DCAF8: variants seen among roughly 807,000 people sequenced by gnomAD.
The protein encoded by DCAF8 is DDB1 and CUL4 associated factor 8, also known as DDB1- and CUL4-associated factor 8.
Under a neutral mutation model 68.0 loss-of-function variants are expected in DCAF8, and 20 were observed. The ratio of observed to expected loss-of-function variants is 0.29; its 90% CI spans 0.21 to 0.43. DCAF8 has a LOEUF of 0.43. Ranked by LOEUF, DCAF8 falls within the 20% of genes least tolerant of loss-of-function variation. The pLI is 1.00. For synonymous variants in DCAF8, 230 were observed against 276.9 expected (o/e 0.83, Z 1.68); for missense variants, 460 against 771.0 (o/e 0.60, Z 4.78).
chr1:160,239,499 C>T (rs1315147351), intron 4 of DCAF8, 198 bp downstream of exon 4: 1 of 1,480,730 alleles, frequency 6.8e-7, no homozygotes, highest in African/African-American at 1.4e-5. Flanking sequence ...AGGCTTCCAA[C>T]AGTCCACATG....
intron 7 of DCAF8, 38 bp from the exon 8 acceptor site, chr1:160,225,701 A>C (rs765449228): frequency 6.4e-7 from 1 of 1,557,090 alleles, no homozygotes; most frequent in Admixed American, 1.7e-5. Context: ...AAAAATGTAC[A>C]AACGAAACCC....
chr1:160,237,553 G>A (rs926263895), intron 5 of DCAF8, among the ~76,000 whole-genome samples: 1 of 152,088 alleles, frequency 6.6e-6, no homozygotes, highest in Non-Finnish European at 1.5e-5. Flanking sequence ...TCCAGTCAGG[G>A]TCTCACTTTA....
rs564294790 is a variant in DCAF8, at chr1:160,219,108, G to A, written c.1441-140C>T. The stretch of plus-strand genomic sequence containing the variant: ...GGGAAGGGAGGCCCACCCATCCTGA[G>A]CCTAAGCCAAAGGGCACTGAGGGTA... On this transcript the variant is annotated intron_variant, in intron 11 of 13. Transcript: ENST00000368074. 3.8e-5 allele frequency: 46 copies of A among 1,212,848 alleles called. No individual in the cohort carries two copies. In the African/African-American group the frequency reaches 7.0e-4, roughly 19 times the overall value. 75.1% of individuals were successfully genotyped at this position (1,212,848 alleles called of 1,614,324 possible).
At position 160,217,253 on chromosome 1, in the gene DCAF8, A is replaced by T. The variant is rs1474738598; in HGVS notation, c.*339T>A. On this transcript the variant is annotated 3_prime_UTR_variant, in exon 14 of 14. Coordinates refer to ENST00000368074, the MANE Select transcript of DCAF8 (RefSeq NM_015726.4). ...CCCCACCCCTCCCCCAGCCCAAGAA[A>T]CAAGGGAGATTAAAGAAAAAGAAAC... 2.0e-5 allele frequency: 4 copies of T among 198,264 alleles called. No individual in the cohort carries two copies. The highest frequency in any genetic ancestry group is 9.2e-5 in the African/African-American group (4 of 43,294). 12.3% of individuals were successfully genotyped at this position (198,264 alleles called of 1,614,324 possible).
intron 2 of DCAF8, among the ~76,000 whole-genome samples, chr1:160,253,671 A>T: frequency 6.8e-6 from 1 of 147,634 alleles, no homozygotes; most frequent in South Asian, 2.1e-4. Flanking sequence ...AAAAAAAAAA[A>T]AAAAAATAGC....
Position 160,222,634 on chromosome 1 carries a change from C to G in DCAF8, c.1440+17G>C. On this transcript the variant is annotated intron_variant, in intron 11 of 13. Coordinates refer to ENST00000368074, the MANE Select transcript of DCAF8 (RefSeq NM_015726.4). ...GGAGAGATTAGGGAGCCAGCCAGCT[C>G]AGCACACCATACTCACCACGCCTCC... 6.2e-7 allele frequency: 1 copy of G among 1,613,772 alleles called. No individual in the cohort carries two copies. Among genetic ancestry groups the G allele is most frequent in the Non-Finnish European group, 8.5e-7 (1 of 1,179,768 alleles).
At chr1:160,238,799 A>G in intron 4 of DCAF8, 52 bp from the exon 5 acceptor site, 2 of 1,521,184 alleles carry the variant, frequency 1.3e-6, no homozygotes, top group Non-Finnish European at 1.8e-6. Flanking sequence ...GAGAGAGGTA[A>G]ACTTGAGAAT....
chr1:160,219,309 T>G, intron 11 of DCAF8: 1 of 195,980 alleles, frequency 5.1e-6, no homozygotes, highest in Non-Finnish European at 1.0e-5. Context: ...TCACTCCAGA[T>G]TCCAAAGCTC....
chr1:160,217,399 G>A lies in DCAF8; in HGVS notation c.*193C>T. 1.9e-6 allele frequency: 1 copy of A among 517,292 alleles called. No individual in the cohort carries two copies. Among genetic ancestry groups the A allele is most frequent in the Non-Finnish European group, 3.4e-6 (1 of 293,014 alleles). 32.0% of individuals were successfully genotyped at this position (517,292 alleles called of 1,614,324 possible). Reference sequence around the variant, plus strand: ...CCTCTCCATAGAGCCCCATTCCAGGGCTCAACTCCCATTCCTAGGTACTCT... The same window carrying A: ...CCTCTCCATAGAGCCCCATTCCAGGACTCAACTCCCATTCCTAGGTACTCT... On this transcript the variant is annotated 3_prime_UTR_variant, in exon 14 of 14. Coordinates refer to ENST00000368074, the MANE Select transcript of DCAF8 (RefSeq NM_015726.4).
chr1:160,241,506 T>C (rs1459317141), intron 3 of DCAF8, among the ~76,000 whole-genome samples: 2 of 152,208 alleles, frequency 1.3e-5, no homozygotes, highest in South Asian at 2.1e-4. Context: ...GTCACTTTTA[T>C]CGATCTTATC....
chr1:160,252,235 C>A (rs1656626356), intron 2 of DCAF8, among the ~76,000 whole-genome samples: 1 of 152,048 alleles, frequency 6.6e-6, no homozygotes, highest in Non-Finnish European at 1.5e-5. Flanking sequence ...GCCAATTAAT[C>A]AATTAGGAAA....
intron 2 of DCAF8, among the ~76,000 whole-genome samples, chr1:160,249,732 ACTGGAAACAAATTTTCTTCAG>A (rs1656502463): frequency 6.6e-6 from 1 of 152,220 alleles, no homozygotes; most frequent in South Asian, 2.1e-4. Flanking sequence ...TCATCAAAAA[ACTGGAAACAAATTTTCTTCAG>A]CTGGGTCATA....
chr1:160,223,253 G>A (rs1655357143), intron 10 of DCAF8, among the ~76,000 whole-genome samples: 1 of 152,174 alleles, frequency 6.6e-6, no homozygotes, highest in African/African-American at 2.4e-5. Flanking sequence ...ACCATTAACA[G>A]GGCTCCACTC....
At position 160,224,507 on chromosome 1, in the gene DCAF8, T is replaced by G; in HGVS notation, c.1244A>C (p.Asn415Thr). Residue 415 changes from asparagine (N) to threonine (T), a missense_variant, in exon 10 of 14, where the codon AAC becomes ACC. By Grantham distance (65) the Asn-to-Thr change is moderately conservative (BLOSUM62 0). Transcript: ENST00000368074. ...SYNDEDIYLF[N>T]SSHSDGAQYV... ...CTGGGCCCCATCACTGTGAGAGGAG[T>G]TGAAGAGGTAAATGTCTTCATCATT... The G allele has an allele frequency of 1.2e-6, 2 of 1,613,850 alleles. No individual in the cohort carries two copies. Among genetic ancestry groups the G allele is most frequent in the Non-Finnish European group, 1.7e-6 (2 of 1,179,930 alleles).
At chr1:160,225,028 A>G (rs753220340) in intron 9 of DCAF8, 34 bp downstream of exon 9, 9 of 1,608,772 alleles carry the variant, frequency 5.6e-6, no homozygotes, top group Non-Finnish European at 6.0e-6. Flanking sequence ...CAGAGGGGGC[A>G]TGCCAGCCTA....
chr1:160,241,745 C>T (rs191284703), intron 3 of DCAF8, among the ~76,000 whole-genome samples: 18 of 152,328 alleles, frequency 1.2e-4, no homozygotes, highest in African/African-American at 4.3e-4. Flanking sequence ...GGCAGACCAT[C>T]CAGTATGAGC....
intron 7 of DCAF8, among the ~76,000 whole-genome samples, chr1:160,229,629 T>C (rs1387167741): frequency 6.6e-6 from 1 of 152,200 alleles, no homozygotes; most frequent in African/African-American, 2.4e-5. Context: ...GTAGGAACTC[T>C]CAACTCAAAA....
At chr1:160,229,495 A>C (rs1655596665) in intron 7 of DCAF8, among the ~76,000 whole-genome samples, 1 of 152,182 alleles carries the variant, frequency 6.6e-6, no homozygotes, top group South Asian at 2.1e-4. Context: ...ATACATATGA[A>C]TACATACATA....
intron 7 of DCAF8, among the ~76,000 whole-genome samples, chr1:160,225,979 G>A (rs1379959390): frequency 6.6e-6 from 1 of 152,130 alleles, no homozygotes; most frequent in Non-Finnish European, 1.5e-5. Context: ...AAATAGCTGG[G>A]ACTATGGGCA....
Sources: allele counts gnomAD v4.1 joint callset (sites outside exome capture counted in the v4.1 genomes callset), GRCh38; gene constraint gnomAD v4.1.1; transcripts MANE v1.5; gene names NCBI Gene and HGNC (gene_info 2026-07-23, HGNC 2026-07-21).